SH3BP5: variants seen among roughly 807,000 people sequenced by gnomAD.
SH3BP5 encodes the protein SH3 domain-binding protein 5.
In SH3BP5, 22 loss-of-function variants were observed where a neutral mutation model predicts 43.3. The observed-to-expected ratio is 0.51, with a 90% CI of 0.36 to 0.73. The LOEUF (loss-of-function observed/expected upper bound fraction) is 0.73. Among genes scored for constraint, SH3BP5 ranks in the 30% least tolerant of loss-of-function variants. SH3BP5 has a pLI of 0.00. For missense variants in SH3BP5, 529 were observed against 586.9 expected, an observed-to-expected ratio of 0.90 and a Z score of 1.02; for synonymous variants, 255 against 225.8, an observed-to-expected ratio of 1.13 and a Z score of -1.16.
At position 15,256,188 on chromosome 3, in the gene SH3BP5, AG is replaced by A; in HGVS notation, c.1265del (p.Pro422LeufsTer10). ...TCCGGTTCTCCAAGGCCTGGCCCTC[AG>A]GGGAGGTGCTGCTTTGGCTCTTACT... ...GSSKSQSSTS[P>X]EGQALENRMK... On this transcript the variant is annotated frameshift_variant, in exon 9 of 9. Coordinates refer to ENST00000383791, the MANE Select transcript of SH3BP5 (RefSeq NM_004844.5). LOFTEE classifies it high-confidence loss of function. 1 of 1,614,134 alleles carries A rather than the reference AG, an allele frequency of 6.2e-7. No homozygotes were observed. The highest frequency in any genetic ancestry group is 1.1e-5 in the South Asian group (1 of 91,090).
At chr3:15,320,800 C>A (rs777556613) in intron 2 of SH3BP5, among the ~76,000 whole-genome samples, 2 of 152,156 alleles carry the variant, frequency 1.3e-5, no homozygotes, top group African/African-American at 4.8e-5. Flanking sequence ...ACCCCCATAG[C>A]CTGTCTTCTT....
At chr3:15,271,740 C>T (rs1443901491) in intron 3 of SH3BP5, 1 of 152,068 alleles carries the variant, frequency 6.6e-6, no homozygotes, top group East Asian at 1.9e-4. Flanking sequence ...TTTACTGTGA[C>T]CACAGGGAAA....
chr3:15,287,423 T>C (rs763916856), intron 3 of SH3BP5, among the ~76,000 whole-genome samples: 1 of 152,234 alleles, frequency 6.6e-6, no homozygotes, highest in African/African-American at 2.4e-5. Context: ...GAAAGTTACA[T>C]TGACTTGTGC....
chr3:15,255,936 A>AATCT lies in SH3BP5; in HGVS notation c.*146_*149dup. 4.2e-6 allele frequency: 3 copies of AATCT among 717,836 alleles called. No individual in the cohort carries two copies. The South Asian group carries it at 5.3e-5, about 13-fold the overall frequency. 44.5% of individuals were successfully genotyped at this position (717,836 alleles called of 1,614,324 possible). ...CCCAAGAGCTCTTACCCAGAAGAAC[A>AATCT]ATCTTTAGCCCTCAAGGTCACTGAA... On this transcript the variant is annotated 3_prime_UTR_variant, in exon 9 of 9. Coordinates refer to ENST00000383791, the MANE Select transcript of SH3BP5 (RefSeq NM_004844.5).
intron 2 of SH3BP5, among the ~76,000 whole-genome samples, chr3:15,309,245 A>G (rs1053776827): frequency 6.6e-6 from 1 of 152,226 alleles, no homozygotes; most frequent in Admixed American, 6.5e-5. Context: ...TAGGGGAGAA[A>G]AAAACAGGGG....
chr3:15,312,675 T>A (rs1698088337), intron 2 of SH3BP5, among the ~76,000 whole-genome samples: 1 of 152,214 alleles, frequency 6.6e-6, no homozygotes, highest in Admixed American at 6.5e-5. Flanking sequence ...GGTACCACAA[T>A]GTCTTCAGCA....
At chr3:15,327,761 A>G (rs1698500510) in intron 2 of SH3BP5, among the ~76,000 whole-genome samples, 1 of 152,218 alleles carries the variant, frequency 6.6e-6, no homozygotes, top group South Asian at 2.1e-4. Context: ...GTGAAATCCC[A>G]CCTGGCTCCT....
At chr3:15,284,452 C>A (rs1028730837) in intron 3 of SH3BP5, among the ~76,000 whole-genome samples, 2 of 152,214 alleles carry the variant, frequency 1.3e-5, no homozygotes, top group Non-Finnish European at 2.9e-5. Flanking sequence ...ATCCTGGGTG[C>A]TACTAGTCTC....
chr3:15,257,185 C>T (rs76563059), intron 7 of SH3BP5, 72 bp from the exon 8 acceptor site: 7 of 1,513,718 alleles, frequency 4.6e-6, no homozygotes, highest in African/African-American at 2.8e-5. Context: ...TTGCTGCTGG[C>T]AGGCAGCTAG....
intron 5 of SH3BP5, among the ~76,000 whole-genome samples, chr3:15,261,712 AACT>A (rs1696447517): frequency 6.6e-6 from 1 of 152,196 alleles, no homozygotes; most frequent in East Asian, 1.9e-4. Flanking sequence ...AAAAAAAAAA[AACT>A]CTACTAAAGC....
At chr3:15,265,473 G>A (rs1041651717) in intron 4 of SH3BP5, among the ~76,000 whole-genome samples, 8 of 148,838 alleles carry the variant, frequency 5.4e-5, no homozygotes, top group Non-Finnish European at 8.9e-5. Flanking sequence ...CCAAGATCGC[G>A]CCGCTGCACT....
intron 2 of SH3BP5, among the ~76,000 whole-genome samples, chr3:15,319,894 C>T (rs1698277436): frequency 6.6e-6 from 1 of 152,192 alleles, no homozygotes; most frequent in African/African-American, 2.4e-5. Context: ...CCTCTCAAAA[C>T]CCTCTCCAAA....
intron 4 of SH3BP5, chr3:15,264,279 T>TTG (rs1696557579): frequency 1.3e-5 from 1 of 79,946 alleles, no homozygotes; most frequent in Admixed American, 1.2e-4. Flanking sequence ...ATACAAATGG[T>TTG]TTTTTTTTTT....
chr3:15,337,090 T>TTG (rs201565455), upstream of SH3BP5, among the ~76,000 whole-genome samples: 1,761 of 131,930 alleles, frequency 0.013, 36 homozygotes, highest in African/African-American at 0.042. Flanking sequence ...TTTAGTTTTT[T>TTG]TTTTTTTTTT....
intron 2 of SH3BP5, among the ~76,000 whole-genome samples, chr3:15,328,395 G>A (rs1698518236): frequency 6.6e-6 from 1 of 150,610 alleles, no homozygotes; most frequent in Non-Finnish European, 1.5e-5. Flanking sequence ...TAGTAGGCGA[G>A]CAACTAGAAT....
chr3:15,302,384 C>T (rs574209968), intron 3 of SH3BP5, among the ~76,000 whole-genome samples: 2 of 152,260 alleles, frequency 1.3e-5, no homozygotes, highest in Admixed American at 6.5e-5. Flanking sequence ...TGCAGACCAA[C>T]GAGCAATCAG....
chr3:15,287,275 G>A (rs186228704), intron 3 of SH3BP5, among the ~76,000 whole-genome samples: 9 of 152,322 alleles, frequency 5.9e-5, no homozygotes, highest in Admixed American at 1.3e-4. Flanking sequence ...TTAAAGGGAC[G>A]CAACATATAC....
chr3:15,294,453 T>C lies in SH3BP5; in HGVS notation c.330+9650A>G, dbSNP rs1295647409. Among the ~76,000 whole-genome samples, 3 of 152,046 alleles carry C rather than the reference T, an allele frequency of 2.0e-5. No individual in the cohort carries two copies. In the East Asian group the frequency reaches 5.8e-4, roughly 29 times the overall value. ...CTTCCATCCTCCTTTCTTCCTCCCTTCCATCCAGTAAACTGTCACCGCCAT... is the reference window on the plus strand; with the variant it reads ...CTTCCATCCTCCTTTCTTCCTCCCTCCCATCCAGTAAACTGTCACCGCCAT... On this transcript the variant is annotated intron_variant, in intron 3 of 8. Transcript: ENST00000383791.
chr3:15,297,691 G>A (rs1224160208), intron 3 of SH3BP5, among the ~76,000 whole-genome samples: 2 of 152,052 alleles, frequency 1.3e-5, no homozygotes, highest in African/African-American at 2.4e-5. Flanking sequence ...TCTCAACACT[G>A]TATGAAAATG....
Sources: allele counts gnomAD v4.1 joint callset (sites outside exome capture counted in the v4.1 genomes callset), GRCh38; gene constraint gnomAD v4.1.1; transcripts MANE v1.5; gene names NCBI Gene and HGNC (gene_info 2026-07-23, HGNC 2026-07-21).